The following CDH4 variants were observed in gnomAD, a reference collection of about 807,000 sequenced individuals.
CDH4 encodes cadherin-4.
CDH4 carries 33 observed loss-of-function variants against 86.0 expected under a neutral mutation model. That is an observed-to-expected ratio of 0.38 (90% CI 0.29 to 0.51). The LOEUF (loss-of-function observed/expected upper bound fraction) is 0.51. Among genes scored for constraint, CDH4 ranks in the 20% least tolerant of loss-of-function variants. The probability of loss-of-function intolerance (pLI) is 0.86; values close to 1 mark genes in which losing one functional copy is unlikely to be tolerated. For synonymous variants in CDH4, 555 were observed against 549.4 expected (o/e 1.01, Z -0.14); for missense variants, 1,114 against 1,307.4 (o/e 0.85, Z 2.28).
chr20:61,726,855 C>T (rs935958804), intron 2 of CDH4, among the ~76,000 whole-genome samples: 13 of 102,370 alleles, frequency 1.3e-4, no homozygotes, highest in South Asian at 3.9e-4. Flanking sequence ...CCATCACTGC[C>T]ATCATCATCA....
intron 2 of CDH4, among the ~76,000 whole-genome samples, chr20:61,695,616 G>A (rs545875860): frequency 1.4e-4 from 22 of 152,286 alleles, no homozygotes; most frequent in African/African-American, 5.3e-4. Flanking sequence ...TTTTGTGCTG[G>A]GGACAACAGG....
intron 2 of CDH4, among the ~76,000 whole-genome samples, chr20:61,489,577 C>G (rs2085614700): frequency 6.6e-6 from 1 of 152,224 alleles, no homozygotes; most frequent in Admixed American, 6.5e-5. Context: ...GGGGCTGAGC[C>G]CCGATGCTAA....
intron 2 of CDH4, among the ~76,000 whole-genome samples, chr20:61,601,728 C>T (rs1295485818): frequency 6.6e-6 from 1 of 152,236 alleles, no homozygotes; most frequent in Non-Finnish European, 1.5e-5. Flanking sequence ...GCCCATTCTT[C>T]ACCACCCAGG....
At chr20:61,770,877 C>T (rs1278444829) in intron 3 of CDH4, among the ~76,000 whole-genome samples, 9 of 117,420 alleles carry the variant, frequency 7.7e-5, no homozygotes, top group Non-Finnish European at 1.4e-4. Context: ...AGCGAGACTC[C>T]GTCTCAAAAA....
At position 61,536,305 on chromosome 20, in the gene CDH4, C is replaced by T. The variant is rs1349522592; in HGVS notation, c.170-207258C>T. 2.0e-5 allele frequency among the ~76,000 whole-genome samples: 3 copies of T among 152,218 alleles called. No homozygotes were observed. In the East Asian group the frequency reaches 5.8e-4, roughly 29 times the overall value. ...CACTTGGGAGGCTCTGCCAACAGGG[C>T]TGAGGGCACAGACATGGCTTAACTG... is the stretch of plus-strand genomic sequence containing the variant. On this transcript the variant is annotated intron_variant, in intron 2 of 15. Coordinates refer to ENST00000614565, the MANE Select transcript of CDH4 (RefSeq NM_001794.5).
intron 10 of CDH4, among the ~76,000 whole-genome samples, chr20:61,924,125 G>A (rs548510462): frequency 2.6e-5 from 4 of 152,254 alleles, no homozygotes; most frequent in East Asian, 1.9e-4. Context: ...TAGCCACTGC[G>A]TGGCCTGTCC....
At chr20:61,693,261 C>T (rs2145875368) in intron 2 of CDH4, among the ~76,000 whole-genome samples, 1 of 150,942 alleles carries the variant, frequency 6.6e-6, no homozygotes, top group African/African-American at 2.4e-5. Context: ...GGGGCCACGT[C>T]GGGCCTGTTC....
intron 4 of CDH4, among the ~76,000 whole-genome samples, chr20:61,834,131 G>A (rs1462574930): frequency 6.6e-6 from 1 of 152,218 alleles, no homozygotes; most frequent in Non-Finnish European, 1.5e-5. Flanking sequence ...GGGTGGGCCG[G>A]GGTGATTTCC....
Position 61,917,784 on chromosome 20 carries a change from GAA to G in CDH4, c.1375-5665_1375-5664del, listed in dbSNP as rs548060866. On this transcript the variant is annotated intron_variant, in intron 9 of 15. Transcript: ENST00000614565. ...GCGAGTATATCCAGCCACCCTAATCGAAACTGCTGGAGCAAATTACCTATTGA... is the reference window on the plus strand; with the variant it reads ...GCGAGTATATCCAGCCACCCTAATCGACTGCTGGAGCAAATTACCTATTGA... 4.3e-4 allele frequency among the ~76,000 whole-genome samples: 65 copies of G among 152,366 alleles called. 1 individual carries two copies. The East Asian group carries it at 0.012, about 28-fold the overall frequency.
At chr20:61,565,743 A>T (rs55786275) in intron 2 of CDH4, among the ~76,000 whole-genome samples, 8,247 of 152,284 alleles carry the variant, frequency 0.054, 546 homozygotes, top group African/African-American at 0.16. Context: ...GAAAGGCTCC[A>T]GCAGACCCTG....
intron 2 of CDH4, among the ~76,000 whole-genome samples, chr20:61,537,711 T>C (rs2000281): frequency 0.31 from 47,475 of 152,002 alleles, 11,848 homozygotes; most frequent in African/African-American, 0.69. Flanking sequence ...TCCCTTTCTG[T>C]GCAGACTCAA....
At chr20:61,405,274 C>T (rs1389341679) in intron 2 of CDH4, among the ~76,000 whole-genome samples, 1 of 151,520 alleles carries the variant, frequency 6.6e-6, no homozygotes, top group Non-Finnish European at 1.5e-5. Flanking sequence ...GCAGTGATTC[C>T]GTAATCCCCC....
At position 61,544,658 on chromosome 20, in the gene CDH4, C is replaced by T. The variant is rs1002135412; in HGVS notation, c.170-198905C>T. On this transcript the variant is annotated intron_variant, in intron 2 of 15. Coordinates refer to ENST00000614565, the MANE Select transcript of CDH4 (RefSeq NM_001794.5). This position sits in a 1 kb window ranked among gnomAD's most constrained non-coding sequence, Gnocchi z 6.5. ...CCCACGCTGCTCTACTCCGCACCGG[C>T]CCCCCTGCCTGTACTTGACCACACT... Among the ~76,000 whole-genome samples the T allele has an allele frequency of 2.0e-5, 3 of 152,024 alleles. No homozygotes were observed. The highest frequency in any genetic ancestry group is 4.4e-5 in the Non-Finnish European group (3 of 68,012).
intron 2 of CDH4, among the ~76,000 whole-genome samples, chr20:61,660,373 A>T (rs534389464): frequency 1.3e-5 from 2 of 152,212 alleles, no homozygotes; most frequent in Non-Finnish European, 2.9e-5. Context: ...CCTATGAATC[A>T]GACATATTAG....
intron 2 of CDH4, among the ~76,000 whole-genome samples, chr20:61,629,836 C>T (rs986963632): frequency 2.0e-5 from 3 of 152,180 alleles, no homozygotes; most frequent in Non-Finnish European, 2.9e-5. Context: ...TCCGATGCGG[C>T]GCCTTCCTTA....
Position 61,420,662 on chromosome 20 carries a change from A to T in CDH4, c.169+165725A>T, listed in dbSNP as rs192749283. Among the ~76,000 whole-genome samples the T allele has an allele frequency of 2.5e-3, 383 of 152,388 alleles. 2 individuals are homozygous for T. The highest frequency in any genetic ancestry group is 8.8e-3 in the African/African-American group (368 of 41,604). ...GCCAAAGCCGTGCTCTGGAAGGTTC[A>T]TAGCAGCACTCCTCCTAACAGTCCA... On this transcript the variant is annotated intron_variant, in intron 2 of 15. Transcript: ENST00000614565.
At chr20:61,821,104 C>T (rs78030055) in intron 4 of CDH4, among the ~76,000 whole-genome samples, 5,304 of 150,958 alleles carry the variant, frequency 0.035, 130 homozygotes, top group African/African-American at 0.071. Context: ...GCCACTGTCC[C>T]GCTCCCTACC....
intron 2 of CDH4, among the ~76,000 whole-genome samples, chr20:61,606,292 C>A (rs1172747794): frequency 6.6e-6 from 1 of 152,204 alleles, no homozygotes; most frequent in Non-Finnish European, 1.5e-5. Context: ...AAGTGCTCTG[C>A]GTGCTGCCAT....
chr20:61,314,179 G>A (rs1487703158), intron 2 of CDH4, among the ~76,000 whole-genome samples: 1 of 152,288 alleles, frequency 6.6e-6, no homozygotes, highest in East Asian at 1.9e-4. Flanking sequence ...ACCATACAGT[G>A]TTGCTACCCC....
Sources: allele counts gnomAD v4.1 joint callset (sites outside exome capture counted in the v4.1 genomes callset), GRCh38; gene constraint gnomAD v4.1.1; non-coding constraint Gnocchi (gnomAD v3.1); transcripts MANE v1.5; gene names NCBI Gene and HGNC (gene_info 2026-07-23, HGNC 2026-07-21).